POLR2F: variants seen among roughly 807,000 people sequenced by gnomAD.
The protein encoded by POLR2F is DNA-directed RNA polymerases I, II, and III subunit RPABC2.
Under a neutral mutation model 22.7 loss-of-function variants are expected in POLR2F, and 12 were observed. The observed-to-expected ratio is 0.53, with a 90% CI of 0.34 to 0.86. POLR2F has a LOEUF of 0.86. POLR2F is among the 40% of genes least tolerant of loss of function. POLR2F has a pLI of 0.02. For missense variants in POLR2F, 126 were observed against 171.5 expected (o/e 0.73, Z 1.48); for synonymous variants, 57 against 66.0 (o/e 0.86, Z 0.66).
exon 3 of POLR2F, chr22:38,026,595 G>A (rs1030740135): frequency 5.4e-5 from 16 of 295,420 alleles, no homozygotes; most frequent in African/African-American, 2.3e-4. Flanking sequence ...CCCCTCCCCC[G>A]GCTCCCTGGA....
intron 1 of POLR2F, among the ~76,000 whole-genome samples, chr22:37,956,093 C>T (rs2744978): frequency 0.62 from 92,639 of 149,844 alleles, 28,608 homozygotes; most frequent in East Asian, 0.76. Flanking sequence ...TTTGCGGTGG[C>T]GGGGGGGGGT....
chr22:38,037,615 C>G (rs1371493006), intron 5 of POLR2F, among the ~76,000 whole-genome samples: 1 of 147,662 alleles, frequency 6.8e-6, no homozygotes, highest in Non-Finnish European at 1.5e-5. Flanking sequence ...TTTTTTGAGA[C>G]GGAGTCTCCC....
downstream of POLR2F, chr22:37,972,747 T>C (rs918725833): frequency 6.4e-6 from 1 of 156,822 alleles, no homozygotes; most frequent in Admixed American, 6.1e-5. Context: ...CTCTGATTCC[T>C]TTCCTGGAGC....
chr22:38,003,064 AG>A lies in POLR2F; in HGVS notation c.120+16754del, dbSNP rs139463450. Among the ~76,000 whole-genome samples, 27 of 152,174 alleles carry A rather than the reference AG, an allele frequency of 1.8e-4. No individual in the cohort carries two copies. In the East Asian group the frequency reaches 3.9e-3, roughly 22 times the overall value. On this transcript the variant is annotated intron_variant, in intron 1 of 2. Coordinates refer to the POLR2F transcript ENST00000333418. Reference sequence around the variant, plus strand: ...GACGTAAAGGGAGATGTGTGAGCAAAGGTTCAGAGAAGGGAAAGCACATGGA... The same window carrying A: ...GACGTAAAGGGAGATGTGTGAGCAAAGTTCAGAGAAGGGAAAGCACATGGA...
At chr22:37,959,263 A>G in intron 2 of POLR2F, 83 bp from the exon 3 acceptor site, 10 of 1,436,016 alleles carry the variant, frequency 7.0e-6, no homozygotes, top group Non-Finnish European at 8.7e-6. Flanking sequence ...TGTAGCGAGA[A>G]TTGTGATTGT....
chr22:37,992,300 T>G (rs1308525601), intron 1 of POLR2F, among the ~76,000 whole-genome samples: 35 of 152,180 alleles, frequency 2.3e-4, no homozygotes, highest in Admixed American at 2.3e-3. Flanking sequence ...CGGAACCCAG[T>G]AAATGGTAGC....
In POLR2F at chr22:37,967,959, C is replaced by G; in HGVS notation, c.*244C>G. 8.7e-7 allele frequency: 1 copy of G among 1,154,390 alleles called. No homozygotes were observed. The highest frequency in any genetic ancestry group is 1.1e-6 in the Non-Finnish European group (1 of 936,434). The allele number at this position is 1,154,390 out of a possible 1,614,324, so 71.5% of individuals were successfully genotyped here. A position where few individuals can be genotyped will look rare whatever the true frequency, so the allele number is the denominator to read the frequency against. ...CCCCTTTGGATCCCCCACATCCTTCCCTCCATCTCCCTGTTCCCCAGAGCA... is the reference window on the plus strand; with the variant it reads ...CCCCTTTGGATCCCCCACATCCTTCGCTCCATCTCCCTGTTCCCCAGAGCA... On this transcript the variant is annotated 3_prime_UTR_variant, in exon 5 of 5. Coordinates refer to ENST00000442738, the MANE Select transcript of POLR2F (RefSeq NM_021974.5).
Position 38,017,674 on chromosome 22 carries a change from C to T in POLR2F, c.121-8195C>T, listed in dbSNP as rs2084926576. ...GGCCCTCTGAGGCTGTGGCCTCTCC[C>T]TGCAACTTCCTGTAGGTCTCTCTGT... is the stretch of plus-strand genomic sequence containing the variant. On this transcript the variant is annotated intron_variant, in intron 1 of 2. Transcript: ENST00000333418. This position sits in a 1 kb window ranked among gnomAD's most constrained non-coding sequence, Gnocchi z 4.1. 6.6e-6 allele frequency among the ~76,000 whole-genome samples: 1 copy of T among 152,186 alleles called. No individual in the cohort carries two copies. The highest frequency in any genetic ancestry group is 1.5e-5 in the Non-Finnish European group (1 of 68,024).
chr22:37,971,233 G>A (rs73170719), downstream of POLR2F: 22 of 471,172 alleles, frequency 4.7e-5, no homozygotes, highest in Non-Finnish European at 8.8e-5. Context: ...CTTGGAGTCA[G>A]AGCTGGGTTC....
downstream of POLR2F, among the ~76,000 whole-genome samples, chr22:38,028,715 G>C (rs943759771): frequency 3.9e-5 from 6 of 152,144 alleles, no homozygotes; most frequent in Non-Finnish European, 7.3e-5. Flanking sequence ...TGGGGAGGAA[G>C]GGGCAGCAGC....
chr22:38,040,759 C>T (rs546935303), intron 5 of POLR2F: 26 of 440,234 alleles, frequency 5.9e-5, no homozygotes, highest in Non-Finnish European at 8.6e-5. Flanking sequence ...CCTTTGTGAA[C>T]GAGGGCACTG....
At chr22:37,977,615 C>T (rs753688649) in intron 4 of POLR2F, among the ~76,000 whole-genome samples, 6 of 152,032 alleles carry the variant, frequency 3.9e-5, no homozygotes, top group Admixed American at 6.6e-5. Flanking sequence ...CCACCACACC[C>T]GGCGGCCTCC....
chr22:37,978,102 G>A lies in POLR2F; in HGVS notation c.293+10932G>A, dbSNP rs371711030. On this transcript the variant is annotated intron_variant, in intron 4 of 4. Transcript: ENST00000405557. The surrounding 1 kb of genome is among the most constrained non-coding windows in gnomAD (Gnocchi z 5.0). The stretch of plus-strand genomic sequence containing the variant: ...GCATACGGAGCCGCTCAGCCTCCTC[G>A]ATGAAGGGGCGCTTGTCACTTTCGT... 6 of 1,588,336 alleles carry A rather than the reference G, an allele frequency of 3.8e-6. No homozygotes were observed. The highest frequency in any genetic ancestry group is 1.7e-5 in the Admixed American group (1 of 58,466).
intron 1 of POLR2F, among the ~76,000 whole-genome samples, chr22:38,011,490 T>G (rs1371024711): frequency 6.6e-6 from 1 of 152,006 alleles, no homozygotes; most frequent in Non-Finnish European, 1.5e-5. Context: ...ACTTGCTTAT[T>G]CAATTGTTTG....
chr22:37,962,816 C>G (rs6000963), intron 3 of POLR2F, among the ~76,000 whole-genome samples: 5,304 of 151,494 alleles, frequency 0.035, 300 homozygotes, highest in African/African-American at 0.12. Flanking sequence ...TCAGCCTTCC[C>G]AGTAGCTGGG....
At chr22:38,007,920 A>G (rs2084836987) in intron 1 of POLR2F, among the ~76,000 whole-genome samples, 1 of 152,212 alleles carries the variant, frequency 6.6e-6, no homozygotes, top group Non-Finnish European at 1.5e-5. Flanking sequence ...CTGCCACGGC[A>G]GGCCCCCTTT....
intron 1 of POLR2F, among the ~76,000 whole-genome samples, chr22:38,008,614 G>A (rs1236440695): frequency 6.6e-6 from 1 of 151,514 alleles, no homozygotes; most frequent in Non-Finnish European, 1.5e-5. Context: ...GCTCAGGCCT[G>A]TACTCCCAGC....
In POLR2F at chr22:37,967,084, TCCCTATCCCTACAGGATGTGTGC is replaced by T. The variant is rs752060151; in HGVS notation, c.222-10_234del. On this transcript the variant is annotated splice_acceptor_variant and splice_polypyrimidine_tract_variant and coding_sequence_variant and intron_variant, in exon 4 of 5. Coordinates refer to ENST00000442738, the MANE Select transcript of POLR2F (RefSeq NM_021974.5). LOFTEE classifies it high-confidence loss of function. ...GGGTTTGTAGTCTCCCTAACACCTG[TCCCTATCCCTACAGGATGTGTGC>T]CCCTGTGATGGTGGAGCTGGAGGGG... 6.2e-7 allele frequency: 1 copy of T among 1,604,022 alleles called. No homozygotes were observed. Among genetic ancestry groups the T allele is most frequent in the Non-Finnish European group, 8.5e-7 (1 of 1,173,088 alleles).
upstream of POLR2F, chr22:37,983,421 G>A: frequency 6.2e-7 from 1 of 1,611,432 alleles, no homozygotes; most frequent in Non-Finnish European, 8.5e-7. This position sits in a 1 kb window ranked among gnomAD's most constrained non-coding sequence, Gnocchi z 9.5. Context: ...TGGTCCGCGA[G>A]CTTCCTGCGC....
Sources: allele counts gnomAD v4.1 joint callset (sites outside exome capture counted in the v4.1 genomes callset), GRCh38; gene constraint gnomAD v4.1.1; non-coding constraint Gnocchi (gnomAD v3.1); transcripts MANE v1.5; gene names NCBI Gene and HGNC (gene_info 2026-07-23, HGNC 2026-07-21).